ESRRG: variants seen among roughly 807,000 people sequenced by gnomAD.
ESRRG encodes the protein estrogen-related receptor gamma.
A neutral mutation model predicts 44.0 loss-of-function variants in ESRRG; 13 were observed. The observed-to-expected ratio is 0.30, with a 90% CI of 0.19 to 0.47. The LOEUF (loss-of-function observed/expected upper bound fraction) is 0.47. Ranked by LOEUF, ESRRG falls within the 20% of genes least tolerant of loss-of-function variation. ESRRG has a pLI of 1.00. For synonymous variants in ESRRG, 215 were observed against 214.6 expected (o/e 1.00, Z -0.02); for missense variants, 395 against 580.6 (o/e 0.68, Z 3.29).
intron 1 of ESRRG, among the ~76,000 whole-genome samples, chr1:217,010,996 A>G (rs981297419): frequency 8.5e-5 from 13 of 152,174 alleles, no homozygotes; most frequent in Non-Finnish European, 1.6e-4. Flanking sequence ...TAAAATATTC[A>G]TGGGCAACAG....
intron 2 of ESRRG, among the ~76,000 whole-genome samples, chr1:216,780,342 C>A (rs1441275011): frequency 1.3e-5 from 2 of 151,942 alleles, no homozygotes; most frequent in African/African-American, 4.8e-5. Flanking sequence ...AAATGGAAAA[C>A]CCAGCAATTC....
rs1435118310 is a variant in ESRRG, at chr1:216,661,106, G to A, written c.473-10017C>T. 3.3e-5 allele frequency among the ~76,000 whole-genome samples: 5 copies of A among 152,118 alleles called. No individual in the cohort carries two copies. In the East Asian group the frequency reaches 9.6e-4, roughly 29 times the overall value. ...CATCCAAGGACTAAAGAAATTCAAT[G>A]TTTTTAGTTCTGATATAATGATGTC... On this transcript the variant is annotated intron_variant, in intron 2 of 6. Transcript: ENST00000408911.
At chr1:216,839,957 T>G (rs1317336586) in intron 2 of ESRRG, among the ~76,000 whole-genome samples, 1 of 152,192 alleles carries the variant, frequency 6.6e-6, no homozygotes, top group Non-Finnish European at 1.5e-5. Context: ...TTAGGAGCCC[T>G]AGCATTTTCA....
At chr1:217,070,053 A>G (rs1439025114) in intron 1 of ESRRG, among the ~76,000 whole-genome samples, 2 of 152,072 alleles carry the variant, frequency 1.3e-5, no homozygotes, top group Non-Finnish European at 2.9e-5. Context: ...AGTTGATTCT[A>G]ATTGGAAGAG....
chr1:217,022,224 CAA>C (rs2080437775), intron 1 of ESRRG, among the ~76,000 whole-genome samples: 1 of 152,172 alleles, frequency 6.6e-6, no homozygotes, highest in Non-Finnish European at 1.5e-5. Flanking sequence ...ACTGTGGAGC[CAA>C]AAGTCTTTGC....
At chr1:216,678,059 T>TA (rs1559172493) in intron 1 of ESRRG, among the ~76,000 whole-genome samples, 1 of 152,244 alleles carries the variant, frequency 6.6e-6, no homozygotes, top group East Asian at 1.9e-4. Flanking sequence ...CACGCTTCCA[T>TA]AAGCATAACT....
intron 2 of ESRRG, among the ~76,000 whole-genome samples, chr1:216,859,600 C>T (rs1005977650): frequency 1.3e-5 from 2 of 152,128 alleles, no homozygotes; most frequent in Non-Finnish European, 2.9e-5. Flanking sequence ...AGGAATAATG[C>T]TTGCTCTCAT....
At chr1:216,750,080 T>G (rs2091856503) in intron 2 of ESRRG, among the ~76,000 whole-genome samples, 3 of 152,198 alleles carry the variant, frequency 2.0e-5, no homozygotes, top group Admixed American at 1.3e-4. Flanking sequence ...CCTTCCTTCC[T>G]TTCTTCGTTC....
chr1:217,077,544 C>T (rs1239850563), intron 1 of ESRRG, among the ~76,000 whole-genome samples: 1 of 152,150 alleles, frequency 6.6e-6, no homozygotes, highest in East Asian at 1.9e-4. Flanking sequence ...CCTGAATGTT[C>T]TTAGAATCTA....
At chr1:216,877,109 A>G (rs1192467268) in intron 2 of ESRRG, among the ~76,000 whole-genome samples, 1 of 152,046 alleles carries the variant, frequency 6.6e-6, no homozygotes, top group Non-Finnish European at 1.5e-5. Context: ...AAAGCAATAC[A>G]TGTTAATACT....
intron 2 of ESRRG, among the ~76,000 whole-genome samples, chr1:216,791,232 C>G (rs1377776657): frequency 6.6e-6 from 1 of 152,034 alleles, no homozygotes; most frequent in Non-Finnish European, 1.5e-5. Flanking sequence ...GTACTGTCTT[C>G]ACGACAGTGA....
At chr1:217,011,609 G>A (rs532851236) in intron 1 of ESRRG, among the ~76,000 whole-genome samples, 3 of 110,012 alleles carry the variant, frequency 2.7e-5, no homozygotes, top group East Asian at 2.3e-4. Flanking sequence ...AGGTCCAGTC[G>A]AGAAACTAGC....
At chr1:216,773,064 C>T (rs1484241974) in intron 2 of ESRRG, among the ~76,000 whole-genome samples, 1 of 151,960 alleles carries the variant, frequency 6.6e-6, no homozygotes, top group Non-Finnish European at 1.5e-5. Flanking sequence ...TTGATCTGAC[C>T]ATTCGGGTAG....
In ESRRG at chr1:216,541,392, T is replaced by C. The variant is rs544321032; in HGVS notation, c.863-21971A>G. 3.9e-5 allele frequency among the ~76,000 whole-genome samples: 6 copies of C among 152,130 alleles called. No homozygotes were observed. In the South Asian group the frequency reaches 1.0e-3, roughly 26 times the overall value. ...CCAAGAACTTAACAGGCAAATTCAA[T>C]AGGATCACAGAAGGATTGAGAGCTA... On this transcript the variant is annotated intron_variant, in intron 5 of 6. Transcript: ENST00000408911.
chr1:216,600,059 C>T (rs1002189146), intron 3 of ESRRG, among the ~76,000 whole-genome samples: 2 of 152,182 alleles, frequency 1.3e-5, no homozygotes, highest in African/African-American at 2.4e-5. Context: ...TGCAAGAATG[C>T]TTCATGCTAT....
chr1:217,073,854 A>C (rs941046511), intron 1 of ESRRG, among the ~76,000 whole-genome samples: 1 of 152,136 alleles, frequency 6.6e-6, no homozygotes, highest in South Asian at 2.1e-4. Flanking sequence ...GAAGAATGAA[A>C]GAATGAGACC....
At chr1:216,804,390 CAA>C (rs2094719636) in intron 2 of ESRRG, among the ~76,000 whole-genome samples, 1 of 152,154 alleles carries the variant, frequency 6.6e-6, no homozygotes, top group Non-Finnish European at 1.5e-5. Context: ...AGAATCCTAA[CAA>C]AGCTACTTCC....
intron 2 of ESRRG, among the ~76,000 whole-genome samples, chr1:216,776,716 T>A (rs1252798996): frequency 6.6e-6 from 1 of 152,116 alleles, no homozygotes; most frequent in Non-Finnish European, 1.5e-5. Flanking sequence ...GGTAAAAGAA[T>A]ATTCCATGGC....
chr1:216,547,253 T>TTGATGATGA (rs55716294), intron 5 of ESRRG, among the ~76,000 whole-genome samples: 31,735 of 150,752 alleles, frequency 0.21, 3,680 homozygotes, highest in African/African-American at 0.3. Flanking sequence ...GTTGATGTTG[T>TTGATGATGA]TGATGATGAT....
Sources: allele counts gnomAD v4.1 joint callset (sites outside exome capture counted in the v4.1 genomes callset), GRCh38; gene constraint gnomAD v4.1.1; transcripts MANE v1.5; gene names NCBI Gene and HGNC (gene_info 2026-07-23, HGNC 2026-07-21).